The following GPNMB variants were observed in gnomAD, a reference collection of about 807,000 sequenced individuals.
GPNMB encodes transmembrane glycoprotein NMB.
Under a neutral mutation model 57.3 loss-of-function variants are expected in GPNMB, and 71 were observed. The observed-to-expected ratio is 1.24, with a 90% CI of 1.02 to 1.51. The LOEUF is 1.51. Among genes scored for constraint, GPNMB ranks in the 40% most tolerant of loss-of-function variants. The pLI, the probability that GPNMB is intolerant of heterozygous loss-of-function variation, is 0.00. For synonymous variants in GPNMB, 253 were observed against 263.2 expected (o/e 0.96, Z 0.38); for missense variants, 677 against 691.9 (o/e 0.98, Z 0.24).
intron 6 of GPNMB, 102 bp from the exon 7 acceptor site, chr7:23,266,415 T>G (rs1783061974): frequency 8.3e-7 from 1 of 1,204,440 alleles, no homozygotes; most frequent in Non-Finnish European, 1.2e-6. Flanking sequence ...CCTGATATTT[T>G]TCTAAAAAGC....
intron 4 of GPNMB, 55 bp from the exon 5 acceptor site, chr7:23,259,925 T>C (rs1001771649): frequency 3.9e-6 from 6 of 1,541,894 alleles, no homozygotes; most frequent in Middle Eastern, 1.7e-4. Flanking sequence ...AGGAACAGCT[T>C]CCTATAATGA....
chr7:23,255,390 C>T (rs775336317), intron 3 of GPNMB, among the ~76,000 whole-genome samples: 8 of 152,170 alleles, frequency 5.3e-5, no homozygotes, highest in African/African-American at 1.2e-4. Flanking sequence ...TTGCTGCAAA[C>T]GATGGGATTT....
intron 3 of GPNMB, among the ~76,000 whole-genome samples, chr7:23,256,379 G>A (rs577267691): frequency 2.0e-5 from 3 of 152,248 alleles, no homozygotes; most frequent in African/African-American, 7.2e-5. Flanking sequence ...CAGAAAGAGG[G>A]ATTTTAAAAA....
chr7:23,248,613 C>CA (rs1402431021), intron 1 of GPNMB, among the ~76,000 whole-genome samples: 1 of 152,118 alleles, frequency 6.6e-6, no homozygotes, highest in Non-Finnish European at 1.5e-5. Flanking sequence ...GGAGGCAGCC[C>CA]AGCCACCACC....
At chr7:23,273,747 A>G in intron 10 of GPNMB, 133 bp downstream of exon 10, 1 of 643,970 alleles carries the variant, frequency 1.6e-6, no homozygotes, top group Middle Eastern at 2.7e-4. Context: ...ATTACATTGA[A>G]TGGTGAATAC....
intron 7 of GPNMB, 129 bp from the exon 8 acceptor site, chr7:23,267,757 C>T: frequency 1.4e-6 from 1 of 710,020 alleles, no homozygotes; most frequent in Non-Finnish European, 2.5e-6. Context: ...CTAATGCTAT[C>T]ACCTTGGGGG....
chr7:23,273,706 C>T, intron 10 of GPNMB, 92 bp downstream of exon 10: 2 of 854,474 alleles, frequency 2.3e-6, no homozygotes, highest in Non-Finnish European at 3.8e-6. Context: ...CCCTTTTTTG[C>T]TTTTAAACAT....
chr7:23,255,483 T>G (rs1002344459), intron 3 of GPNMB, among the ~76,000 whole-genome samples: 3 of 152,238 alleles, frequency 2.0e-5, no homozygotes, highest in Non-Finnish European at 4.4e-5. Context: ...TGGTTCCATA[T>G]CCTGACTATT....
intron 8 of GPNMB, among the ~76,000 whole-genome samples, chr7:23,269,165 C>T (rs1056736748): frequency 2.0e-5 from 3 of 152,112 alleles, no homozygotes. Context: ...GGCGGTTGAT[C>T]ACCTGAAGTC....
At chr7:23,269,918 C>G (rs746260045) in intron 8 of GPNMB, 49 bp from the exon 9 acceptor site, 1 of 1,259,932 alleles carries the variant, frequency 7.9e-7, no homozygotes, top group South Asian at 1.2e-5. Context: ...ACCTTCCTCT[C>G]TCCCCTTCTC....
intron 10 of GPNMB, chr7:23,273,841 C>T (rs796798742): frequency 1.7e-5 from 10 of 583,320 alleles, no homozygotes; most frequent in African/African-American, 1.7e-4. Flanking sequence ...AAAATTATGT[C>T]AACTTAATTT....
chr7:23,262,422 G>C (rs1782946838), intron 6 of GPNMB, among the ~76,000 whole-genome samples: 2 of 151,662 alleles, frequency 1.3e-5, no homozygotes, highest in South Asian at 4.2e-4. Context: ...GGTTTGTTTT[G>C]GTTGTGTAAA....
Position 23,266,531 on chromosome 7 carries a change from A to G in GPNMB, c.1033A>G (p.Asn345Asp). 6.2e-7 allele frequency: 1 copy of G among 1,613,208 alleles called. No individual in the cohort carries two copies. The highest frequency in any genetic ancestry group is 8.5e-7 in the Non-Finnish European group (1 of 1,179,170). Residue 345 changes from asparagine to aspartate, a missense_variant, in exon 7 of 11, where the codon AAC becomes GAC. Asn to Asp is a conservative substitution (Grantham distance 23). Coordinates refer to ENST00000258733, the MANE Select transcript of GPNMB (RefSeq NM_002510.3). ...PTPSLGPAGDNPLELSRIPDE... is the reference protein window; with the variant it reads ...PTPSLGPAGDDPLELSRIPDE... ...AAACACCCCAGGACCTGCTGGTGAC[A>G]ACCCCCTGGAGCTGAGTAGGATTCC...
chr7:23,260,534 C>G lies in GPNMB; in HGVS notation c.779C>G (p.Pro260Arg). 1 of 1,613,252 alleles carries G rather than the reference C, an allele frequency of 6.2e-7. No homozygotes were observed. The highest frequency in any genetic ancestry group is 8.5e-7 in the Non-Finnish European group (1 of 1,179,266). The change falls in exon 6 of 11, where the codon CCC becomes CGC. Residue 260 changes from proline (P) to arginine (R), a missense_variant. Pro to Arg is a moderately radical substitution (Grantham distance 103). Coordinates refer to ENST00000258733, the MANE Select transcript of GPNMB (RefSeq NM_002510.3). Reference sequence around the variant, plus strand: ...GACGAAACCTTCCTCAAAGATCTCCCCATTATGTTTGATGTCCTGATTCAT... The same window carrying G: ...GACGAAACCTTCCTCAAAGATCTCCGCATTATGTTTGATGTCCTGATTCAT... Reference protein sequence around the residue: ...SSDETFLKDLPIMFDVLIHDP... With the variant: ...SSDETFLKDLRIMFDVLIHDP...
intron 1 of GPNMB, among the ~76,000 whole-genome samples, chr7:23,251,210 G>A (rs373200610): frequency 2.0e-4 from 31 of 152,272 alleles, no homozygotes; most frequent in African/African-American, 7.0e-4. Flanking sequence ...AGAAGGGAAC[G>A]TGTTGCTCCC....
At chr7:23,253,767 C>T (rs891719992) in intron 2 of GPNMB, among the ~76,000 whole-genome samples, 1 of 152,184 alleles carries the variant, frequency 6.6e-6, no homozygotes, top group African/African-American at 2.4e-5. Flanking sequence ...AACCCAGTCA[C>T]CCCAAAGCCA....
intron 6 of GPNMB, among the ~76,000 whole-genome samples, chr7:23,261,021 C>T (rs1056760689): frequency 6.6e-6 from 1 of 152,186 alleles, no homozygotes; most frequent in East Asian, 1.9e-4. Context: ...TTCTTTGACC[C>T]TCCTCATTTG....
intron 9 of GPNMB, among the ~76,000 whole-genome samples, chr7:23,270,924 C>T (rs1783187940): frequency 6.6e-6 from 1 of 152,178 alleles, no homozygotes; most frequent in South Asian, 2.1e-4. Context: ...TAAGATATTA[C>T]TTGTGGCTTA....
At chr7:23,252,522 A>G (rs1782683944) in intron 1 of GPNMB, among the ~76,000 whole-genome samples, 1 of 152,248 alleles carries the variant, frequency 6.6e-6, no homozygotes, top group Non-Finnish European at 1.5e-5. Context: ...AAGAGCATCA[A>G]TTCTTATTGA....
Sources: allele counts gnomAD v4.1 joint callset (sites outside exome capture counted in the v4.1 genomes callset), GRCh38; gene constraint gnomAD v4.1.1; transcripts MANE v1.5; gene names NCBI Gene and HGNC (gene_info 2026-07-23, HGNC 2026-07-21).